Variants in PIK3R3 observed in about 807,000 individuals in gnomAD.
PIK3R3 encodes the protein phosphatidylinositol 3-kinase regulatory subunit gamma.
PIK3R3 carries 64 observed loss-of-function variants against 62.9 expected under a neutral mutation model. The observed-to-expected ratio is 1.02, with a 90% CI of 0.83 to 1.25. PIK3R3 has a LOEUF of 1.25. Ranked by LOEUF, PIK3R3 falls within the 50% of genes most tolerant of loss-of-function variation. The pLI, the probability that PIK3R3 is intolerant of heterozygous loss-of-function variation, is 0.00. For missense variants in PIK3R3, 614 were observed against 561.6 expected, an observed-to-expected ratio of 1.09 and a Z score of -0.94; for synonymous variants, 165 against 189.0, an observed-to-expected ratio of 0.87 and a Z score of 1.04.
At chr1:46,084,020 ATATC>A (rs1650849016) in intron 1 of PIK3R3, among the ~76,000 whole-genome samples, 1 of 152,244 alleles carries the variant, frequency 6.6e-6, no homozygotes, top group Non-Finnish European at 1.5e-5. Flanking sequence ...AACAACCCAA[ATATC>A]TATCAACAGA....
chr1:46,154,433 G>A, the PIK3R3 span, among the ~76,000 whole-genome samples: 1 of 152,114 alleles, frequency 6.6e-6, no homozygotes, highest in Admixed American at 6.6e-5. Context: ...ACCAGACGTG[G>A]TGGCACACAC....
intron 6 of PIK3R3, 90 bp downstream of exon 6, chr1:46,061,839 G>C: frequency 8.1e-7 from 1 of 1,233,040 alleles, no homozygotes; most frequent in Non-Finnish European, 1.2e-6. Flanking sequence ...TGTGCAGTTT[G>C]AGGGGGTAAA....
chr1:46,130,879 C>G (rs973086733), intron 1 of PIK3R3, among the ~76,000 whole-genome samples: 1 of 152,120 alleles, frequency 6.6e-6, no homozygotes, highest in African/African-American at 2.4e-5. Context: ...GAAAATCTGA[C>G]AGCTAATAAT....
intron 1 of PIK3R3, among the ~76,000 whole-genome samples, chr1:46,122,583 G>A (rs563713675): frequency 6.6e-6 from 1 of 152,176 alleles, no homozygotes; most frequent in Non-Finnish European, 1.5e-5. Context: ...GGCCAGGCTG[G>A]TCTCGAACTC....
intron 2 of PIK3R3, 87 bp from the exon 3 acceptor site, chr1:46,077,700 A>C (rs1224741325): frequency 1.3e-6 from 1 of 788,250 alleles, no homozygotes; most frequent in African/African-American, 1.7e-5. Flanking sequence ...TGTTACTACT[A>C]AGGCAGCTTC....
chr1:46,141,771 G>GTC, the PIK3R3 span, among the ~76,000 whole-genome samples: 1 of 152,144 alleles, frequency 6.6e-6, no homozygotes, highest in Non-Finnish European at 1.5e-5. Context: ...GTCATCAAAT[G>GTC]TCTCTCTCCT....
At chr1:46,096,710 A>G (rs188524659) in intron 1 of PIK3R3, among the ~76,000 whole-genome samples, 82 of 152,178 alleles carry the variant, frequency 5.4e-4, no homozygotes, top group African/African-American at 2.0e-3. Context: ...CAGCCTGGCC[A>G]ACATGGTGAA....
At position 46,080,653 on chromosome 1, in the gene PIK3R3, C is replaced by G. The variant is rs748024145; in HGVS notation, c.204G>C (p.Gly68=). The change falls in exon 2 of 10, where the codon GGG becomes GGC. Residue 68 remains glycine, a synonymous_variant. Coordinates refer to ENST00000262741, the MANE Select transcript of PIK3R3 (RefSeq NM_003629.4). ...VSLQDAEWYW[G]DISREEVNDK... ...AGCATTCTAGTTACCTTGAAATATCCCCCCAGTACCATTCTGCATCCTGAA... is the reference window on the plus strand; with the variant it reads ...AGCATTCTAGTTACCTTGAAATATCGCCCCAGTACCATTCTGCATCCTGAA... 2.5e-5 allele frequency: 40 copies of G among 1,594,872 alleles called. No homozygotes were observed. Among genetic ancestry groups the G allele is most frequent in the Non-Finnish European group, 3.4e-5 (40 of 1,164,992 alleles).
the PIK3R3 span, among the ~76,000 whole-genome samples, chr1:46,157,096 C>A: frequency 1.3e-5 from 2 of 152,264 alleles, no homozygotes; most frequent in Non-Finnish European, 2.9e-5. Flanking sequence ...TGGATTCAGG[C>A]AACTAGAATC....
chr1:46,145,602 A>G, the PIK3R3 span, among the ~76,000 whole-genome samples: 2 of 151,874 alleles, frequency 1.3e-5, no homozygotes, highest in Non-Finnish European at 2.9e-5. Context: ...GACCTCACTC[A>G]CCCCTATAGG....
chr1:46,045,053 C>CTG (rs369553379), intron 9 of PIK3R3, among the ~76,000 whole-genome samples: 35 of 152,356 alleles, frequency 2.3e-4, no homozygotes, highest in African/African-American at 8.2e-4. Context: ...GTAGCATCAT[C>CTG]ATCATATTAG....
At chr1:46,110,275 CTTTTT>C (rs35873858) in intron 1 of PIK3R3, among the ~76,000 whole-genome samples, 7 of 71,318 alleles carry the variant, frequency 9.8e-5, no homozygotes, top group Admixed American at 1.7e-4. Flanking sequence ...CCAGGCTTGG[CTTTTT>C]TTTTTTTTTT....
At chr1:46,153,469 C>T in the PIK3R3 span, among the ~76,000 whole-genome samples, 1 of 152,232 alleles carries the variant, frequency 6.6e-6, no homozygotes, top group Non-Finnish European at 1.5e-5. Flanking sequence ...AAGCAGCAAC[C>T]TATTTTGGCT....
rs1647864382 is a variant in PIK3R3 at position 46,055,984 on chromosome 1, T to C, written c.765-13A>G. On this transcript the variant is annotated splice_polypyrimidine_tract_variant and intron_variant, in intron 6 of 9. Coordinates refer to ENST00000262741, the MANE Select transcript of PIK3R3 (RefSeq NM_003629.4). ...ATTCATCATAATTCTGTAAAAATATTTGACATGTTAAGGCTAAAATAGAAA... is the reference window on the plus strand; with the variant it reads ...ATTCATCATAATTCTGTAAAAATATCTGACATGTTAAGGCTAAAATAGAAA... 3 of 1,561,588 alleles carry C rather than the reference T, an allele frequency of 1.9e-6. No homozygotes were observed. The highest frequency in any genetic ancestry group is 1.7e-6 in the Non-Finnish European group (2 of 1,148,588).
chr1:46,140,078 T>C, the PIK3R3 span, among the ~76,000 whole-genome samples: 2 of 152,174 alleles, frequency 1.3e-5, no homozygotes, highest in Non-Finnish European at 2.9e-5. Flanking sequence ...AGCCTTGACC[T>C]CCTGGGCTCA....
the PIK3R3 span, among the ~76,000 whole-genome samples, chr1:46,166,676 C>T: frequency 7.2e-5 from 11 of 152,186 alleles, no homozygotes; most frequent in African/African-American, 2.7e-4. Context: ...GTAGTAACTG[C>T]TAGTGAGCCC....
At chr1:46,119,766 ACTC>A (rs1654499829) in intron 1 of PIK3R3, among the ~76,000 whole-genome samples, 1 of 145,894 alleles carries the variant, frequency 6.9e-6, no homozygotes, top group Admixed American at 6.9e-5. Flanking sequence ...ATTGTAACCA[ACTC>A]CTAATTTTTT....
chr1:46,142,630 G>T, the PIK3R3 span, among the ~76,000 whole-genome samples: 5 of 151,894 alleles, frequency 3.3e-5, no homozygotes, highest in African/African-American at 1.2e-4. Flanking sequence ...CCCGGGAGGC[G>T]GAGCTTGCAG....
At chr1:46,149,144 G>A in the PIK3R3 span, among the ~76,000 whole-genome samples, 2 of 152,248 alleles carry the variant, frequency 1.3e-5, no homozygotes, top group African/African-American at 2.4e-5. Flanking sequence ...ACTCCCGGCT[G>A]GGCGGAAGTG....
Sources: gnomAD v4.1 joint callset for allele counts (sites outside exome capture counted in the v4.1 genomes callset) on GRCh38, gnomAD v4.1.1 for gene constraint, MANE v1.5 for transcripts, NCBI Gene and HGNC (gene_info 2026-07-23, HGNC 2026-07-21) for gene names.